The following WDR48 variants were observed in gnomAD, a reference collection of about 807,000 sequenced individuals.
WDR48 encodes WD repeat-containing protein 48.
A neutral mutation model predicts 94.0 loss-of-function variants in WDR48; 22 were observed. The ratio of observed to expected loss-of-function variants is 0.23; its 90% confidence interval spans 0.17 to 0.33. The LOEUF (loss-of-function observed/expected upper bound fraction) is 0.33, where lower values mean the gene tolerates loss of function less well. Ranked by LOEUF, WDR48 falls within the 10% of genes least tolerant of loss-of-function variation. The pLI, the probability that WDR48 is intolerant of heterozygous loss-of-function variation, is 1.00. For missense variants in WDR48, 541 were observed against 813.8 expected (o/e 0.66, Z 4.08); for synonymous variants, 278 against 280.5 (o/e 0.99, Z 0.09).
intron 18 of WDR48, chr3:39,094,319 G>A: frequency 7.0e-7 from 1 of 1,420,104 alleles, no homozygotes; most frequent in Non-Finnish European, 9.2e-7. Flanking sequence ...TTCTTGATTT[G>A]CAAAAAGCAT....
At chr3:39,072,939 A>G (rs1461357557) in intron 7 of WDR48, among the ~76,000 whole-genome samples, 2 of 152,184 alleles carry the variant, frequency 1.3e-5, no homozygotes, top group African/African-American at 2.4e-5. Context: ...TTGGCGTTCT[A>G]TATCAGGGTT....
intron 1 of WDR48, among the ~76,000 whole-genome samples, chr3:39,058,550 A>G (rs1482840256): frequency 1.3e-5 from 2 of 152,242 alleles, no homozygotes; most frequent in East Asian, 1.9e-4. Flanking sequence ...GTTAAAGGAA[A>G]TGTGAGCTAG....
At chr3:39,079,009 G>C (rs1364452435) in intron 10 of WDR48, among the ~76,000 whole-genome samples, 4 of 142,722 alleles carry the variant, frequency 2.8e-5, no homozygotes, top group Non-Finnish European at 6.0e-5. Context: ...CAGCCTGGGC[G>C]ACAGAGCGAG....
chr3:39,085,692 A>AT (rs774622260), intron 14 of WDR48, 82 bp downstream of exon 14: 22 of 1,154,472 alleles, frequency 1.9e-5, no homozygotes, highest in East Asian at 1.7e-4. Flanking sequence ...ACTTACTTAA[A>AT]CCGTTAGCTA....
rs762420123 is a variant in WDR48, at chr3:39,094,053, T to G, written c.1925T>G (p.Leu642Trp). 3 of 1,611,854 alleles carry G rather than the reference T, an allele frequency of 1.9e-6. No individual in the cohort carries two copies. In the South Asian group the frequency reaches 3.3e-5, roughly 18 times the overall value. Reference protein sequence around the residue: ...AVLAEEKIELLCQDQVLDPNM... With the variant: ...AVLAEEKIELWCQDQVLDPNM... ...TTGGCAGAGGAGAAAATTGAACTTT[T>G]GTGCCAGGACCAGGTAAGTGGACTT... The change falls in exon 18 of 19, where the codon TTG (leucine) becomes TGG (tryptophan). Residue 642 changes from leucine to tryptophan, a missense_variant. Around this residue, in one of 5 missense-constraint regions of WDR48, gnomAD observed 109 missense variants for 195.5 expected, o/e 0.56. Transcript: ENST00000302313.
chr3:39,078,119 C>T lies in WDR48; in HGVS notation c.973-18C>T, dbSNP rs536855972. On this transcript the variant is annotated intron_variant, in intron 9 of 18. Coordinates refer to ENST00000302313, the MANE Select transcript of WDR48 (RefSeq NM_020839.4). ...TGTAGAGCATAACATGATCAAATAA[C>T]AAATTTTGTAATTTTAGACTTTGAA... is the stretch of plus-strand genomic sequence containing the variant. 22 of 1,575,906 alleles carry T rather than the reference C, an allele frequency of 1.4e-5. No individual in the cohort carries two copies. Among genetic ancestry groups the T allele is most frequent in the East Asian group, 2.2e-5 (1 of 44,594 alleles).
chr3:39,079,199 C>T lies in WDR48; in HGVS notation c.1076-512C>T, dbSNP rs780089091. ...GGCAGAAAAGGACAGATATGATCCT[C>T]AAATTCTACATGCTGCTGCTGATTA... On this transcript the variant is annotated intron_variant, in intron 10 of 18. Coordinates refer to ENST00000302313, the MANE Select transcript of WDR48 (RefSeq NM_020839.4). Among the ~76,000 whole-genome samples, 93 of 152,300 alleles carry T rather than the reference C, an allele frequency of 6.1e-4. 1 individual carries two copies. The Middle Eastern group carries it at 0.014, about 22-fold the overall frequency.
chr3:39,066,755 A>G lies in WDR48; in HGVS notation c.361A>G (p.Lys121Glu), dbSNP rs2125647871. The change falls in exon 5 of 19, where the codon AAG (lysine) becomes GAG (glutamate). Residue 121 changes from lysine to glutamate, a missense_variant. Lys to Glu is a moderately conservative substitution (Grantham distance 56). Coordinates refer to ENST00000302313, the MANE Select transcript of WDR48 (RefSeq NM_020839.4). ...GTCTGTTCTATTACAGGATTACGTA[A>G]AGGCCTTAGCATATGCCAAGGATAA... ...STLRTHKDYV[K>E]ALAYAKDKEL... 1 of 1,614,044 alleles carries G rather than the reference A, an allele frequency of 6.2e-7. No homozygotes were observed. Among genetic ancestry groups the G allele is most frequent in the South Asian group, 1.1e-5 (1 of 91,082 alleles).
intron 8 of WDR48, among the ~76,000 whole-genome samples, chr3:39,075,888 G>C (rs1402032015): frequency 6.6e-6 from 1 of 151,962 alleles, no homozygotes; most frequent in East Asian, 1.9e-4. Context: ...AGTAGAGATG[G>C]GGTTTCACCG....
At chr3:39,090,353 A>G (rs1404119187) in intron 16 of WDR48, 1 of 152,170 alleles carries the variant, frequency 6.6e-6, no homozygotes, top group Non-Finnish European at 1.5e-5. Flanking sequence ...TATATTGAAT[A>G]TTAACCCTTT....
At chr3:39,078,420 T>C (rs973728414) in intron 10 of WDR48, among the ~76,000 whole-genome samples, 181 bp downstream of exon 10, 1 of 152,090 alleles carries the variant, frequency 6.6e-6, no homozygotes, top group Admixed American at 6.5e-5. Context: ...TTGCTTTTTG[T>C]TTTGTTTTGT....
At chr3:39,074,198 G>T (rs2034091930) in intron 7 of WDR48, among the ~76,000 whole-genome samples, 1 of 152,178 alleles carries the variant, frequency 6.6e-6, no homozygotes. Flanking sequence ...TGCGAGTAGG[G>T]CTTGTCTACA....
intron 17 of WDR48, among the ~76,000 whole-genome samples, chr3:39,092,928 A>G (rs905769755): frequency 6.6e-6 from 1 of 151,592 alleles, no homozygotes; most frequent in Non-Finnish European, 1.5e-5. Context: ...AGTGAGTCCT[A>G]GACATCAGTT....
In WDR48 at chr3:39,084,658, C is replaced by T; in HGVS notation, c.1295C>T (p.Thr432Ile). 1 of 1,613,608 alleles carries T rather than the reference C, an allele frequency of 6.2e-7. No homozygotes were observed. Among genetic ancestry groups the T allele is most frequent in the South Asian group, 1.1e-5 (1 of 91,040 alleles). The change falls in exon 13 of 19, where the codon ACT (threonine) becomes ATT (isoleucine). Residue 432 changes from threonine (T) to isoleucine (I), a missense_variant. Thr to Ile is a moderately conservative substitution (Grantham distance 89, BLOSUM62 -1). Around this residue, in one of 5 missense-constraint regions of WDR48, gnomAD observed 238 missense variants for 285.3 expected, o/e 0.83. Coordinates refer to ENST00000302313, the MANE Select transcript of WDR48 (RefSeq NM_020839.4). ...TTCTTTTGATAGATGTTAACTATTA[C>T]TTTGGATGAAAGTGATTGTTTTGCT... is the stretch of plus-strand genomic sequence containing the variant. ...VDLKTGMLTI[T>I]LDESDCFAAW...
chr3:39,088,406 G>GA (rs1466193384), intron 15 of WDR48, among the ~76,000 whole-genome samples, 173 bp downstream of exon 15: 2 of 152,224 alleles, frequency 1.3e-5, no homozygotes, highest in Non-Finnish European at 2.9e-5. Flanking sequence ...GCTGCTGTTA[G>GA]ACCACATTCT....
chr3:39,057,709 G>C (rs1477628102), intron 1 of WDR48, among the ~76,000 whole-genome samples: 1 of 152,104 alleles, frequency 6.6e-6, no homozygotes, highest in African/African-American at 2.4e-5. Context: ...TGCAACCTCT[G>C]CTTCCTGGGT....
chr3:39,074,671 A>G (rs775592713), intron 7 of WDR48, 55 bp from the exon 8 acceptor site: 2 of 1,585,780 alleles, frequency 1.3e-6, no homozygotes, highest in Non-Finnish European at 1.7e-6. Flanking sequence ...AGTGCAAAGC[A>G]CAAGAAAGCA....
intron 14 of WDR48, 84 bp downstream of exon 14, chr3:39,085,694 C>G: frequency 8.7e-7 from 1 of 1,143,990 alleles, no homozygotes. Context: ...TTACTTAAAC[C>G]GTTAGCTAAA....
At chr3:39,060,985 A>G (rs1395265950) in intron 1 of WDR48, among the ~76,000 whole-genome samples, 1 of 152,184 alleles carries the variant, frequency 6.6e-6, no homozygotes, top group East Asian at 1.9e-4. Flanking sequence ...AACAAAAATT[A>G]TTTTTATGGT....
Sources: allele counts gnomAD v4.1 joint callset (sites outside exome capture counted in the v4.1 genomes callset), GRCh38; gene constraint gnomAD v4.1.1; regional missense constraint gnomAD v4.1.1; transcripts MANE v1.5; gene names NCBI Gene and HGNC (gene_info 2026-07-23, HGNC 2026-07-21).